RBMX2: variants seen among roughly 807,000 people sequenced by gnomAD.
RBMX2 encodes the protein RNA binding motif protein X-linked 2.
For synonymous variants in RBMX2, 77 were observed against 94.3 expected, an observed-to-expected ratio of 0.82 and a Z score of 1.07; for missense variants, 191 against 256.0, an observed-to-expected ratio of 0.75 and a Z score of 1.73.
At position 130,409,293 on chromosome X, in the gene RBMX2, C is replaced by T. The variant is rs773700768; in HGVS notation, c.210C>T (p.Asp70=). The change falls in exon 4 of 6, where the codon GAC becomes GAT. Residue 70 remains aspartate (D), a synonymous_variant. Coordinates refer to ENST00000305536, the MANE Select transcript of RBMX2 (RefSeq NM_016024.4). ...TTGTTAACATTAATCTCGTGCGGGA[C>T]AAGAAAACTGGGAAATCCAAAGGAT... ...GEIVNINLVR[D]KKTGKSKGFC... is the part of the protein sequence containing the mutation. 38 of 1,204,484 alleles carry T rather than the reference C, an allele frequency of 3.2e-5. No individual in the cohort carries two copies. The highest frequency in any genetic ancestry group is 4.2e-5 in the Non-Finnish European group (37 of 890,537).
intron 4 of RBMX2, among the ~76,000 whole-genome samples, chrX:130,409,790 A>G (rs752142197): frequency 1.8e-5 from 2 of 111,950 alleles, no homozygotes; most frequent in Admixed American, 9.4e-5. Flanking sequence ...AATCTAGTAC[A>G]TAGCCATGTA....
In RBMX2 at chrX:130,412,938, ACTT is replaced by A; in HGVS notation, c.*93_*95del. On this transcript the variant is annotated 3_prime_UTR_variant, in exon 6 of 6. Coordinates refer to ENST00000305536, the MANE Select transcript of RBMX2 (RefSeq NM_016024.4). ...GGTGGTTACTATTTTTGTATCTAAA[ACTT>A]CTGGGGCTGGATTCTTTTAATCCCT... 1.1e-6 allele frequency: 1 copy of A among 948,856 alleles called. No homozygotes were observed. The highest frequency in any genetic ancestry group is 2.6e-5 in the South Asian group (1 of 39,118). The allele number at this position is 948,856 out of a possible 1,213,427, so 78.2% of individuals were successfully genotyped here. A position where few individuals can be genotyped will look rare whatever the true frequency, so the allele number is the denominator to read the frequency against.
At position 130,409,276 on chromosome X, in the gene RBMX2, A is replaced by G; in HGVS notation, c.193A>G (p.Ile65Val). 8.3e-7 allele frequency: 1 copy of G among 1,207,740 alleles called. No homozygotes were observed. Among genetic ancestry groups the G allele is most frequent in the African/African-American group, 1.7e-5 (1 of 57,774 alleles). The change falls in exon 4 of 6, where the codon ATT becomes GTT. Residue 65 changes from isoleucine to valine, a missense_variant. Transcript: ENST00000305536. The part of the protein sequence containing the change: ...VFSQYGEIVN[I>V]NLVRDKKTGK... ...AAATAGATATGGGGAGATTGTTAAC[A>G]TTAATCTCGTGCGGGACAAGAAAAC...
At chrX:130,407,872 C>T (rs1392123162) in intron 3 of RBMX2, among the ~76,000 whole-genome samples, 1 of 111,072 alleles carries the variant, frequency 9.0e-6, no homozygotes, top group Non-Finnish European at 1.9e-5. Flanking sequence ...ATTGTCCAGG[C>T]TGGTCTCAAA....
At chrX:130,406,673 C>CAAAAAAAAA (rs760646561) in intron 3 of RBMX2, among the ~76,000 whole-genome samples, 3 of 58,777 alleles carry the variant, frequency 5.1e-5, no homozygotes, top group Non-Finnish European at 1.0e-4. Context: ...ACTCTGTCTC[C>CAAAAAAAAA]AAAAAAAAAA....
Sources: allele counts gnomAD v4.1 joint callset (sites outside exome capture counted in the v4.1 genomes callset), GRCh38; gene constraint gnomAD v4.1.1; transcripts MANE v1.5; gene names NCBI Gene and HGNC (gene_info 2026-07-23, HGNC 2026-07-21).